TRPV4: variants seen among roughly 807,000 people sequenced by gnomAD.
TRPV4 encodes OSM9-like transient receptor potential channel 4.
Under a neutral mutation model 84.1 loss-of-function variants are expected in TRPV4, and 58 were observed. The ratio of observed to expected loss-of-function variants is 0.69; its 90% CI spans 0.56 to 0.86. The LOEUF (loss-of-function observed/expected upper bound fraction) is 0.86. TRPV4 is among the 40% of genes least tolerant of loss of function. The pLI is 0.00. For missense variants in TRPV4, 879 were observed against 1,181.1 expected (o/e 0.74, Z 3.75); for synonymous variants, 489 against 500.9 (o/e 0.98, Z 0.32).
chr12:109,799,282 G>A (rs552482968), intron 5 of TRPV4, among the ~76,000 whole-genome samples: 1 of 151,936 alleles, frequency 6.6e-6, no homozygotes, highest in South Asian at 2.1e-4. Flanking sequence ...CCGAGTAGCT[G>A]GGATTACAGG....
chr12:109,787,838 C>T lies in TRPV4; in HGVS notation c.2208+562G>A, dbSNP rs539257521. Among the ~76,000 whole-genome samples, 30 of 152,276 alleles carry T rather than the reference C, an allele frequency of 2.0e-4. 1 individual carries two copies. In the East Asian group the frequency reaches 5.8e-3, roughly 29 times the overall value. On this transcript the variant is annotated intron_variant, in intron 13 of 15. Coordinates refer to ENST00000261740, the MANE Select transcript of TRPV4 (RefSeq NM_021625.5). The stretch of plus-strand genomic sequence containing the variant: ...CACCAGGTTTGTAGGCTGCACCTGG[C>T]CTGGGAGGGCTGTGATCCCAGGGCC...
intron 7 of TRPV4, 142 bp from the exon 8 acceptor site, chr12:109,794,629 T>C: frequency 1.1e-6 from 1 of 873,300 alleles, no homozygotes; most frequent in Non-Finnish European, 1.9e-6. Flanking sequence ...ATTCACGGAT[T>C]CATGAATGGA....
intron 12 of TRPV4, among the ~76,000 whole-genome samples, chr12:109,791,957 G>T (rs191829118): frequency 2.0e-5 from 3 of 151,770 alleles, no homozygotes; most frequent in Non-Finnish European, 4.4e-5. Context: ...GTGGCCAGGC[G>T]CGTTGGCTCA....
intron 1 of TRPV4, among the ~76,000 whole-genome samples, chr12:109,826,427 G>A (rs1892253531): frequency 1.3e-5 from 2 of 152,336 alleles, no homozygotes; most frequent in South Asian, 4.1e-4. Context: ...GGTAAGGGCT[G>A]ACATTTATCC....
intron 2 of TRPV4, among the ~76,000 whole-genome samples, chr12:109,809,574 C>T (rs1392105445): frequency 6.6e-6 from 1 of 151,196 alleles, no homozygotes; most frequent in East Asian, 2.0e-4. Flanking sequence ...ACCCATCTGC[C>T]CATCCATCCA....
chr12:109,791,386 AAAT>A (rs922912321), intron 12 of TRPV4, among the ~76,000 whole-genome samples: 5 of 152,084 alleles, frequency 3.3e-5, no homozygotes. Context: ...GCCACAAAAA[AAAT>A]AATAATAATA....
rs908893994 is a variant in TRPV4 at position 109,828,436 on chromosome 12, C to A, written c.-32+4914G>T. Reference sequence around the variant, plus strand: ...AGTGAGGCCCTGTCCCTTCCTCATTCCTGTCCGGCCACTGGGGTGCCAGCT... The same window carrying A: ...AGTGAGGCCCTGTCCCTTCCTCATTACTGTCCGGCCACTGGGGTGCCAGCT... On this transcript the variant is annotated intron_variant, in intron 1 of 15. Transcript: ENST00000261740. Among the ~76,000 whole-genome samples, 6 of 152,214 alleles carry A rather than the reference C, an allele frequency of 3.9e-5. No individual in the cohort carries two copies. The South Asian group carries it at 1.2e-3, about 31-fold the overall frequency.
At chr12:109,827,757 C>T (rs1305226971) in intron 1 of TRPV4, among the ~76,000 whole-genome samples, 1 of 146,964 alleles carries the variant, frequency 6.8e-6, no homozygotes, top group East Asian at 2.4e-4. Flanking sequence ...CATACATATA[C>T]ACACATACAC....
chr12:109,789,188 A>G lies in TRPV4; in HGVS notation c.1892-472T>C, dbSNP rs570887936. 3.9e-5 allele frequency among the ~76,000 whole-genome samples: 6 copies of G among 152,020 alleles called. No individual in the cohort carries two copies. In the South Asian group the frequency reaches 1.3e-3, roughly 32 times the overall value. On this transcript the variant is annotated intron_variant, in intron 12 of 15. Transcript: ENST00000261740. Reference sequence around the variant, plus strand: ...GGGTCTCAGTTTTTCCCACCAGGGGACATTTGACAATGTCTAGAGACATAT... The same window carrying G: ...GGGTCTCAGTTTTTCCCACCAGGGGGCATTTGACAATGTCTAGAGACATAT...
intron 5 of TRPV4, among the ~76,000 whole-genome samples, chr12:109,800,009 C>A (rs1291452537): frequency 1.3e-5 from 2 of 152,034 alleles, no homozygotes; most frequent in African/African-American, 4.8e-5. Context: ...ATGGGGAAAT[C>A]TCGGCTCATT....
intron 12 of TRPV4, among the ~76,000 whole-genome samples, chr12:109,791,260 G>C (rs1479867725): frequency 6.6e-6 from 1 of 152,048 alleles, no homozygotes; most frequent in Admixed American, 6.5e-5. Flanking sequence ...GCACACGCCT[G>C]TAATCCCAGC....
At chr12:109,789,677 C>G (rs900725862) in intron 12 of TRPV4, among the ~76,000 whole-genome samples, 1 of 152,190 alleles carries the variant, frequency 6.6e-6, no homozygotes, top group African/African-American at 2.4e-5. Context: ...GACTCAGTCC[C>G]ATCAGTCAGT....
intron 1 of TRPV4, among the ~76,000 whole-genome samples, chr12:109,821,022 G>A (rs956369044): frequency 6.6e-6 from 1 of 152,230 alleles, no homozygotes; most frequent in African/African-American, 2.4e-5. Flanking sequence ...GGAAAAAGGG[G>A]CCCATCCTCG....
chr12:109,793,734 G>T lies in TRPV4; in HGVS notation c.1585-134C>A. The T allele has an allele frequency of 4.5e-6, 4 of 892,762 alleles. No individual in the cohort carries two copies. Among genetic ancestry groups the T allele is most frequent in the Non-Finnish European group, 7.3e-6 (4 of 551,636 alleles). 55.3% of individuals were successfully genotyped at this position (892,762 alleles called of 1,614,324 possible). A position where few individuals can be genotyped will look rare whatever the true frequency, so the allele number is the denominator to read the frequency against. ...GAGAAAAGACAAAGGACTCTTTCCT[G>T]TTAGAAAAGGAGAAAAAAGCAGAGA... is the stretch of plus-strand genomic sequence containing the variant. On this transcript the variant is annotated intron_variant, in intron 9 of 15. Transcript: ENST00000261740. The surrounding 1 kb of genome is among the most constrained non-coding windows in gnomAD (Gnocchi z 4.0).
intron 8 of TRPV4, 70 bp from the exon 9 acceptor site, chr12:109,794,092 C>T: frequency 7.5e-7 from 1 of 1,332,372 alleles, no homozygotes; most frequent in Non-Finnish European, 1.1e-6. Context: ...TCCAGATGTT[C>T]CCCCAGGCCC....
At chr12:109,790,625 A>G (rs1416997407) in intron 12 of TRPV4, among the ~76,000 whole-genome samples, 2 of 152,050 alleles carry the variant, frequency 1.3e-5, no homozygotes, top group Non-Finnish European at 2.9e-5. Context: ...GCTCGCGCCT[A>G]TAATCCTGCA....
Position 109,796,513 on chromosome 12 carries a change from C to T in TRPV4, c.1332+12G>A, listed in dbSNP as rs761558541. ...TCCTTCCTCACACCCCATGCCCCCT[C>T]CTGGAGCCCACCTCAATCTTGCTGT... On this transcript the variant is annotated intron_variant, in intron 7 of 15. Coordinates refer to ENST00000261740, the MANE Select transcript of TRPV4 (RefSeq NM_021625.5). The surrounding 1 kb of genome is among the most constrained non-coding windows in gnomAD (Gnocchi z 4.2). 1.8e-5 allele frequency: 29 copies of T among 1,613,894 alleles called. No individual in the cohort carries two copies. Among genetic ancestry groups the T allele is most frequent in the South Asian group, 4.4e-5 (4 of 91,068 alleles).
chr12:109,811,684 T>C (rs1891528031), intron 2 of TRPV4, among the ~76,000 whole-genome samples: 1 of 148,476 alleles, frequency 6.7e-6, no homozygotes, highest in South Asian at 2.1e-4. Context: ...AAAAGAGACA[T>C]CTGAATGAAT....
chr12:109,808,802 C>T (rs988740043), intron 2 of TRPV4, among the ~76,000 whole-genome samples: 5 of 147,906 alleles, frequency 3.4e-5, no homozygotes, highest in African/African-American at 1.3e-4. Context: ...ACCTATCCAC[C>T]CACTCATCCA....
Sources: allele counts gnomAD v4.1 joint callset (sites outside exome capture counted in the v4.1 genomes callset), GRCh38; gene constraint gnomAD v4.1.1; non-coding constraint Gnocchi (gnomAD v3.1); transcripts MANE v1.5; gene names NCBI Gene and HGNC (gene_info 2026-07-23, HGNC 2026-07-21).